ATE1: variants seen among roughly 807,000 people sequenced by gnomAD.
ATE1 encodes the protein arginyl-tRNA--protein transferase 1.
ATE1 carries 36 observed loss-of-function variants against 70.5 expected under a neutral mutation model. The ratio of observed to expected loss-of-function variants is 0.51; its 90% confidence interval spans 0.39 to 0.67. The LOEUF (loss-of-function observed/expected upper bound fraction) is 0.67. Ranked by LOEUF, ATE1 falls within the 30% of genes least tolerant of loss-of-function variation. The pLI, the probability that ATE1 is intolerant of heterozygous loss-of-function variation, is 0.00. For missense variants in ATE1, 593 were observed against 629.5 expected, an observed-to-expected ratio of 0.94 and a Z score of 0.62; for synonymous variants, 232 against 219.3, an observed-to-expected ratio of 1.06 and a Z score of -0.51.
rs575643613 is a variant in ATE1 at position 121,925,259 on chromosome 10, A to AGT, written c.107-931_107-930insAC. 3.9e-3 allele frequency among the ~76,000 whole-genome samples: 600 copies of AGT among 152,162 alleles called. 5 individuals are homozygous for AGT. The highest frequency in any genetic ancestry group is 5.7e-3 in the Non-Finnish European group (387 of 68,000). On this transcript the variant is annotated intron_variant, in intron 1 of 11. Transcript: ENST00000224652. ...AACATGGTGAAACCCCATCTCTACT[A>AGT]AAAACACAAAATTAGCCGGGAATGG...
chr10:121,915,369 A>T (rs1951606886), intron 3 of ATE1, among the ~76,000 whole-genome samples: 1 of 152,176 alleles, frequency 6.6e-6, no homozygotes, highest in African/African-American at 2.4e-5. Context: ...TGAAGAGAAA[A>T]GGTAAAGTCA....
intron 10 of ATE1, among the ~76,000 whole-genome samples, chr10:121,804,046 A>AAT (rs1946998287): frequency 6.6e-6 from 1 of 152,238 alleles, no homozygotes; most frequent in Non-Finnish European, 1.5e-5. Flanking sequence ...GTAGAAAGTT[A>AAT]ATGTAACAGC....
chr10:121,802,749 T>C (rs941856367), intron 10 of ATE1, among the ~76,000 whole-genome samples: 1 of 152,154 alleles, frequency 6.6e-6, no homozygotes, highest in Non-Finnish European at 1.5e-5. Flanking sequence ...CTGCATTCAA[T>C]GACTCATTAT....
At chr10:121,886,891 C>A (rs1950416991) in intron 7 of ATE1, among the ~76,000 whole-genome samples, 1 of 152,012 alleles carries the variant, frequency 6.6e-6, no homozygotes, top group Middle Eastern at 3.2e-3. Flanking sequence ...AATGTCAATT[C>A]TCTAATACAC....
intron 10 of ATE1, among the ~76,000 whole-genome samples, chr10:121,808,781 G>A (rs932882715): frequency 6.6e-6 from 1 of 152,184 alleles, no homozygotes; most frequent in African/African-American, 2.4e-5. Flanking sequence ...GTACTTAGCA[G>A]CCTTTTCATG....
intron 11 of ATE1, among the ~76,000 whole-genome samples, chr10:121,786,256 A>G (rs1434404684): frequency 1.6e-5 from 2 of 126,850 alleles, no homozygotes; most frequent in East Asian, 5.1e-4. Context: ...CAAGGATTTT[A>G]ATACCAATGA....
chr10:121,800,594 A>T (rs546105295), intron 10 of ATE1, among the ~76,000 whole-genome samples: 1 of 152,344 alleles, frequency 6.6e-6, no homozygotes, highest in South Asian at 2.1e-4. Context: ...ATTAAAATGT[A>T]AGTACACCAA....
At chr10:121,909,947 G>A (rs1951354284) in intron 5 of ATE1, among the ~76,000 whole-genome samples, 1 of 152,146 alleles carries the variant, frequency 6.6e-6, no homozygotes, top group African/African-American at 2.4e-5. Flanking sequence ...AGGAACCTAA[G>A]GCAAGAGGAT....
chr10:121,843,797 C>T (rs1239266761), intron 8 of ATE1, among the ~76,000 whole-genome samples: 1 of 149,754 alleles, frequency 6.7e-6, no homozygotes, highest in Non-Finnish European at 1.5e-5. Context: ...GGATCATAAA[C>T]CTAAATATAA....
Position 121,922,341 on chromosome 10 carries a change from AT to A in ATE1, c.233+7del. 1 of 1,563,956 alleles carries A rather than the reference AT, an allele frequency of 6.4e-7. No homozygotes were observed. Among genetic ancestry groups the A allele is most frequent in the Non-Finnish European group, 8.8e-7 (1 of 1,140,168 alleles). On this transcript the variant is annotated splice_region_variant and intron_variant, in intron 3 of 11. Transcript: ENST00000224652. ...ATAAATCCTCTTTCTACTAATTAAA[AT>A]TCTTACCTTATTGTGTACTGAGGAC...
At chr10:121,826,081 T>C (rs1328876924) in intron 10 of ATE1, among the ~76,000 whole-genome samples, 1 of 152,216 alleles carries the variant, frequency 6.6e-6, no homozygotes, top group Non-Finnish European at 1.5e-5. Flanking sequence ...AGACAAATGC[T>C]ATGATTCCAC....
chr10:121,880,777 A>G lies in ATE1; in HGVS notation c.943-10739T>C, dbSNP rs953000329. 8.5e-5 allele frequency among the ~76,000 whole-genome samples: 13 copies of G among 152,152 alleles called. 1 individual carries two copies. Among genetic ancestry groups the G allele is most frequent in the African/African-American group, 2.9e-4 (12 of 41,442 alleles). On this transcript the variant is annotated intron_variant, in intron 7 of 11. Coordinates refer to ENST00000224652, the MANE Select transcript of ATE1 (RefSeq NM_001001976.3). ...TACTTAAAATTATTTGGCATATATA[A>G]TGAATGACCATAGTGAAAATACAAA... is the stretch of plus-strand genomic sequence containing the variant.
chr10:121,788,907 A>G (rs1946319134), intron 11 of ATE1, among the ~76,000 whole-genome samples: 1 of 152,236 alleles, frequency 6.6e-6, no homozygotes, highest in African/African-American at 2.4e-5. Context: ...CCACGGCTAA[A>G]TGCCGTGAGG....
chr10:121,772,720 CCAGA>C lies in ATE1; in HGVS notation c.1378+17445_1378+17448del, dbSNP rs1231145034. 5.9e-5 allele frequency among the ~76,000 whole-genome samples: 9 copies of C among 152,168 alleles called. 1 individual carries two copies. On this transcript the variant is annotated intron_variant, in intron 11 of 11. Coordinates refer to ENST00000224652, the MANE Select transcript of ATE1 (RefSeq NM_001001976.3). ...ATGGTGAGAAGAATTTGGGCCCAAA[CCAGA>C]TAGTAAATCATAGCCAAAGTCAACC...
rs569274766 is a variant in ATE1 at position 121,783,315 on chromosome 10, C to T, written c.1378+6854G>A. Among the ~76,000 whole-genome samples the T allele has an allele frequency of 9.9e-5, 15 of 152,106 alleles. No individual in the cohort carries two copies. In the East Asian group the frequency reaches 2.7e-3, roughly 27 times the overall value. On this transcript the variant is annotated intron_variant, in intron 11 of 11. Coordinates refer to ENST00000224652, the MANE Select transcript of ATE1 (RefSeq NM_001001976.3). Reference sequence around the variant, plus strand: ...AACTCTGAAACATAAAAGCACACTCCATCTATATTATGTTTAATGCTTAGA... The same window carrying T: ...AACTCTGAAACATAAAAGCACACTCTATCTATATTATGTTTAATGCTTAGA...
chr10:121,853,259 G>A (rs1032993611), intron 8 of ATE1, among the ~76,000 whole-genome samples: 2 of 150,974 alleles, frequency 1.3e-5, no homozygotes, highest in Non-Finnish European at 2.9e-5. Flanking sequence ...ACCTACTCGG[G>A]AGGCTGAGGC....
chr10:121,916,961 C>T (rs12771676), intron 3 of ATE1, among the ~76,000 whole-genome samples: 26,904 of 151,768 alleles, frequency 0.18, 3,097 homozygotes, highest in Non-Finnish European at 0.25. Flanking sequence ...GTATGGAGTT[C>T]GAGACCAGCC....
chr10:121,805,117 T>C (rs1947045164), intron 10 of ATE1, among the ~76,000 whole-genome samples: 1 of 152,222 alleles, frequency 6.6e-6, no homozygotes, highest in Non-Finnish European at 1.5e-5. Context: ...ACACTATGAC[T>C]GCAAAGAATC....
At chr10:121,902,700 TG>T in intron 5 of ATE1, 80 bp from the exon 6 acceptor site, 1 of 1,363,810 alleles carries the variant, frequency 7.3e-7, no homozygotes, top group Non-Finnish European at 1.0e-6. Flanking sequence ...GATTCTACAG[TG>T]TAAGTCCAAA....
Sources: gnomAD v4.1 joint callset for allele counts (sites outside exome capture counted in the v4.1 genomes callset) on GRCh38, gnomAD v4.1.1 for gene constraint, MANE v1.5 for transcripts, NCBI Gene and HGNC (gene_info 2026-07-23, HGNC 2026-07-21) for gene names.